The following ZDHHC22 variants were observed in gnomAD, a reference collection of about 807,000 sequenced individuals.
ZDHHC22 encodes zDHHC palmitoyltransferase 22.
In ZDHHC22, 13 loss-of-function variants were observed where a neutral mutation model predicts 17.0. The ratio of observed to expected loss-of-function variants is 0.76; its 90% confidence interval spans 0.50 to 1.21. The LOEUF (loss-of-function observed/expected upper bound fraction) is 1.21, where lower values mean the gene tolerates loss of function less well. Ranked by LOEUF, ZDHHC22 falls within the 50% of genes most tolerant of loss-of-function variation. ZDHHC22 has a pLI of 0.00. For synonymous variants in ZDHHC22, 138 were observed against 154.7 expected, an observed-to-expected ratio of 0.89 and a Z score of 0.80; for missense variants, 319 against 342.3, an observed-to-expected ratio of 0.93 and a Z score of 0.54.
rs1887065898 is a variant in ZDHHC22, at chr14:77,133,163, G to A, written c.*520C>T. 6.5e-6 allele frequency: 1 copy of A among 152,940 alleles called. No individual in the cohort carries two copies. Among genetic ancestry groups the A allele is most frequent in the African/African-American group, 2.4e-5 (1 of 41,434 alleles). 9.5% of individuals were successfully genotyped at this position (152,940 alleles called of 1,614,324 possible). A position where few individuals can be genotyped will look rare whatever the true frequency, so the allele number is the denominator to read the frequency against. ...CTACTAAGTTCTTTTTCCTACAGAG[G>A]GGATGCGGACACACACCCACTCTTT... On this transcript the variant is annotated 3_prime_UTR_variant, in exon 3 of 3. Coordinates refer to ENST00000319374, the MANE Select transcript of ZDHHC22 (RefSeq NM_174976.2).
rs377376073 is a variant in ZDHHC22 at position 77,139,589 on chromosome 14, G to A, written c.150C>T (p.His50=). The A allele has an allele frequency of 1.9e-6, 3 of 1,594,508 alleles. No individual in the cohort carries two copies. The highest frequency in any genetic ancestry group is 2.3e-5 in the East Asian group (1 of 44,084). ...CCGAGAGGAATAGGAAGAGCGCCCC[G>A]TGGAGCAGGGCGGGCGAGAAGAGCC... is the stretch of plus-strand genomic sequence containing the variant. ...AARLFSPALL[H]GALFLFLSAN... Residue 50 remains histidine (H), a synonymous_variant, in exon 2 of 3, where the codon CAC becomes CAT. Transcript: ENST00000319374.
At chr14:77,135,806 G>T (rs1246261274) in intron 2 of ZDHHC22, among the ~76,000 whole-genome samples, 1 of 152,172 alleles carries the variant, frequency 6.6e-6, no homozygotes, top group Non-Finnish European at 1.5e-5. Flanking sequence ...TTTCCCACAG[G>T]GTTTTTTCCT....
chr14:77,137,680 C>T lies in ZDHHC22; in HGVS notation c.526+1533G>A, dbSNP rs184933875. ...CTGAAGGCAGCCCCCGTAGCTGGGT[C>T]CCCCCTGTATCTCTGTGTTCCCACT... On this transcript the variant is annotated intron_variant, in intron 2 of 2. Transcript: ENST00000319374. 2.5e-3 allele frequency among the ~76,000 whole-genome samples: 386 copies of T among 152,244 alleles called. 2 individuals carry two copies. Among genetic ancestry groups the T allele is most frequent in the Non-Finnish European group, 4.3e-3 (294 of 68,020 alleles).
upstream of ZDHHC22, chr14:77,142,023 C>T (rs1887265880): frequency 6.6e-6 from 1 of 152,462 alleles, no homozygotes; most frequent in Non-Finnish European, 1.5e-5. Context: ...TCCTGCCCTT[C>T]CCTCTCGGCT....
chr14:77,138,126 C>A (rs909518859), intron 2 of ZDHHC22, among the ~76,000 whole-genome samples: 2 of 152,120 alleles, frequency 1.3e-5, no homozygotes, highest in Admixed American at 6.5e-5. Flanking sequence ...GAGTCAAAGG[C>A]CAGGGTAGGG....
intron 2 of ZDHHC22, 139 bp downstream of exon 2, chr14:77,139,074 G>T: frequency 1.0e-6 from 1 of 1,003,938 alleles, no homozygotes; most frequent in Non-Finnish European, 1.4e-6. Context: ...TTGTTTATCT[G>T]AAATTTTAAT....
chr14:77,132,797 A>ATCTCTCTCTCTCTCTCTTTCTCTC lies in ZDHHC22; in HGVS notation c.*885_*886insGAGAGAAAGAGAGAGAGAGAGAGA, dbSNP rs1887053001. On this transcript the variant is annotated 3_prime_UTR_variant, in exon 3 of 3. Transcript: ENST00000319374. ...CTAACAACACTTCTCACCACCACCC[A>ATCTCTCTCTCTCTCTCTTTCTCTC]TCTCTCTCTCTCTCTCTCTCACACA... 2 of 85,442 alleles carry ATCTCTCTCTCTCTCTCTTTCTCTC rather than the reference A, an allele frequency of 2.3e-5. No homozygotes were observed. The highest frequency in any genetic ancestry group is 4.8e-5 in the Non-Finnish European group (2 of 41,952). 5.3% of individuals were successfully genotyped at this position (85,442 alleles called of 1,614,324 possible). A position where few individuals can be genotyped will look rare whatever the true frequency, so the allele number is the denominator to read the frequency against.
Position 77,133,644 on chromosome 14 carries a change from T to G in ZDHHC22, c.*39A>C. ...GCCATGGTTTTATGCTCAGGAGGAG[T>G]CAAGACAGAGACAGAGAGATAAATG... On this transcript the variant is annotated 3_prime_UTR_variant, in exon 3 of 3. Transcript: ENST00000319374. 6.3e-7 allele frequency: 1 copy of G among 1,576,200 alleles called. No individual in the cohort carries two copies. Among genetic ancestry groups the G allele is most frequent in the South Asian group, 1.2e-5 (1 of 83,484 alleles).
In ZDHHC22 at chr14:77,133,868, A is replaced by G. The variant is rs373884379; in HGVS notation, c.607T>C (p.Cys203Arg). Residue 203 changes from cysteine (C) to arginine (R), a missense_variant, in exon 3 of 3, where the codon TGC becomes CGC. Cys to Arg is a radical substitution (Grantham distance 180). Coordinates refer to ENST00000319374, the MANE Select transcript of ZDHHC22 (RefSeq NM_174976.2). ...AGGATCAACAGCAGCTGGTGGCAGC[A>G]GAAGCCGGCGCAGGCCAGGCCGATG... ...FAIGLACAGF[C>R]CHQLLLILRG... The G allele has an allele frequency of 6.2e-7, 1 of 1,613,168 alleles. No homozygotes were observed. Among genetic ancestry groups the G allele is most frequent in the South Asian group, 1.1e-5 (1 of 90,980 alleles).
In ZDHHC22 at chr14:77,139,622, C is replaced by G. The variant is rs1279705133; in HGVS notation, c.117G>C (p.Ala39=). 2 of 1,581,370 alleles carry G rather than the reference C, an allele frequency of 1.3e-6. No individual in the cohort carries two copies. The highest frequency in any genetic ancestry group is 1.7e-6 in the Non-Finnish European group (2 of 1,163,442). Residue 39 remains alanine (A), a synonymous_variant, in exon 2 of 3, where the codon GCG becomes GCC. Coordinates refer to ENST00000319374, the MANE Select transcript of ZDHHC22 (RefSeq NM_174976.2). Reference sequence around the variant, plus strand: ...GGGCGGGCGAGAAGAGCCGGGCGGCCGCGGGGTCCTCGCGCATGCTGGGCA... The same window carrying G: ...GGGCGGGCGAGAAGAGCCGGGCGGCGGCGGGGTCCTCGCGCATGCTGGGCA... ...LFLPSMREDP[A]AARLFSPALL... is the part of the protein sequence containing the mutation.
intron 2 of ZDHHC22, 79 bp downstream of exon 2, chr14:77,139,134 G>T: frequency 2.7e-6 from 4 of 1,460,090 alleles, no homozygotes; most frequent in Non-Finnish European, 2.8e-6. Context: ...AACTTTTGGG[G>T]TTGGGGTTTG....
rs1205426545 is a variant in ZDHHC22, at chr14:77,133,938, C to A, written c.537G>T (p.Leu179=). 15 of 1,585,622 alleles carry A rather than the reference C, an allele frequency of 9.5e-6. No homozygotes were observed. The African/African-American group carries it at 1.9e-4, about 20-fold the overall frequency. ...SISQFFSGAV[L]GSEMFVILML... is the part of the protein sequence containing the mutation. ...TGAGGATGACGAACATTTCAGAACC[C>A]AGGACAGCTCCTGCAGGGCACGGGG... The change falls in exon 3 of 3, where the codon CTG becomes CTT. Residue 179 remains leucine, a synonymous_variant. Transcript: ENST00000319374.
At chr14:77,134,600 G>C (rs17749774) in intron 2 of ZDHHC22, among the ~76,000 whole-genome samples, 32,072 of 152,140 alleles carry the variant, frequency 0.21, 3,936 homozygotes, top group Middle Eastern at 0.31. Context: ...ACCAGAGCTG[G>C]TTCTGTCAAT....
In ZDHHC22 at chr14:77,139,543, C is replaced by T. The variant is rs769270908; in HGVS notation, c.196G>A (p.Val66Ile). 9 of 1,607,762 alleles carry T rather than the reference C, an allele frequency of 5.6e-6. No individual in the cohort carries two copies. Among genetic ancestry groups the T allele is most frequent in the East Asian group, 2.2e-5 (1 of 44,628 alleles). Residue 66 changes from valine to isoleucine, a missense_variant, in exon 2 of 3, where the codon GTC becomes ATC. Physicochemically the swap from Val to Ile is conservative, Grantham distance 29. Coordinates refer to ENST00000319374, the MANE Select transcript of ZDHHC22 (RefSeq NM_174976.2). ...TCTGGGGAGTTCTGGATGACAAGGACGTAATTGCCCAGGGCGTTGGCCGAG... is the reference window on the plus strand; with the variant it reads ...TCTGGGGAGTTCTGGATGACAAGGATGTAATTGCCCAGGGCGTTGGCCGAG... ...FLSANALGNY[V>I]LVIQNSPDDL... is the part of the protein sequence containing the mutation.
intron 2 of ZDHHC22, 107 bp from the exon 3 acceptor site, chr14:77,134,055 A>C: frequency 7.6e-7 from 1 of 1,323,986 alleles, no homozygotes; most frequent in Non-Finnish European, 1.0e-6. Flanking sequence ...GATTAATGAG[A>C]TTGACGCTAC....
rs1887238338 is a variant in ZDHHC22 at position 77,140,728 on chromosome 14, G to A, written c.-15+875C>T. Reference sequence around the variant, plus strand: ...AAATCCTTTCCATGCCGACAAGCCCGCCCTGGGCGCACGAGTGGATGCTTG... The same window carrying A: ...AAATCCTTTCCATGCCGACAAGCCCACCCTGGGCGCACGAGTGGATGCTTG... On this transcript the variant is annotated intron_variant, in intron 1 of 2. Coordinates refer to ENST00000319374, the MANE Select transcript of ZDHHC22 (RefSeq NM_174976.2). The surrounding 1 kb of genome is among the most constrained non-coding windows in gnomAD (Gnocchi z 5.9). 1 of 152,080 alleles carries A rather than the reference G, an allele frequency of 6.6e-6. No homozygotes were observed. The highest frequency in any genetic ancestry group is 1.5e-5 in the Non-Finnish European group (1 of 68,032). The allele number at this position is 152,080 out of a possible 1,614,324, so 9.4% of individuals were successfully genotyped here. A position where few individuals can be genotyped will look rare whatever the true frequency, so the allele number is the denominator to read the frequency against.
chr14:77,134,344 GGA>G (rs950205311), intron 2 of ZDHHC22, among the ~76,000 whole-genome samples: 2 of 152,164 alleles, frequency 1.3e-5, no homozygotes, highest in African/African-American at 4.8e-5. Flanking sequence ...TTGCTCAGGA[GGA>G]GAGAGGGGTG....
intron 2 of ZDHHC22, among the ~76,000 whole-genome samples, chr14:77,137,307 G>A (rs946903989): frequency 1.3e-5 from 2 of 152,224 alleles, no homozygotes; most frequent in African/African-American, 2.4e-5. Context: ...TGGCACAGGA[G>A]TCTGGGCCCC....
In ZDHHC22 at chr14:77,139,428, G is replaced by A; in HGVS notation, c.311C>T (p.Thr104Ile). 6.2e-7 allele frequency: 1 copy of A among 1,612,406 alleles called. No individual in the cohort carries two copies. The highest frequency in any genetic ancestry group is 8.5e-7 in the Non-Finnish European group (1 of 1,179,294). The change falls in exon 2 of 3, where the codon ACC becomes ATC. Residue 104 changes from threonine to isoleucine, a missense_variant. Coordinates refer to ENST00000319374, the MANE Select transcript of ZDHHC22 (RefSeq NM_174976.2). ...GAAACAGTGATGGTCGTGCCTCAGG[G>A]TGACTCTGGCGCACACTCGGCAGAA... ...THFCRVCARVTLRHDHHCFFT... is the reference protein window; with the variant it reads ...THFCRVCARVILRHDHHCFFT...
Sources: allele counts gnomAD v4.1 joint callset (sites outside exome capture counted in the v4.1 genomes callset), GRCh38; gene constraint gnomAD v4.1.1; non-coding constraint Gnocchi (gnomAD v3.1); transcripts MANE v1.5; gene names NCBI Gene and HGNC (gene_info 2026-07-23, HGNC 2026-07-21).